The following NIPA1 variants were observed in gnomAD, a reference collection of about 807,000 sequenced individuals.
NIPA1 encodes NIPA magnesium transporter 1, also known as magnesium transporter NIPA1.
Under a neutral mutation model 23.9 loss-of-function variants are expected in NIPA1, and 13 were observed. That is an observed-to-expected ratio of 0.54 (90% CI 0.35 to 0.87). The LOEUF (loss-of-function observed/expected upper bound fraction) is 0.87, where lower values mean the gene tolerates loss of function less well. Ranked by LOEUF, NIPA1 falls within the 40% of genes least tolerant of loss-of-function variation. The pLI is 0.01. For missense variants in NIPA1, 362 were observed against 429.7 expected (o/e 0.84, Z 1.39); for synonymous variants, 234 against 202.9 (o/e 1.15, Z -1.30).
At chr15:22,792,420 A>G (rs772414160) in intron 1 of NIPA1, among the ~76,000 whole-genome samples, 19 of 151,608 alleles carry the variant, frequency 1.3e-4, no homozygotes, top group Admixed American at 4.6e-4. Flanking sequence ...GTGCAGTGGC[A>G]TGATCTCCAC....
At chr15:22,821,118 C>G (rs904715976) in intron 4 of NIPA1, among the ~76,000 whole-genome samples, 18 of 152,168 alleles carry the variant, frequency 1.2e-4, no homozygotes, top group African/African-American at 4.3e-4. Context: ...CGCCTGCCAC[C>G]ATGCCCGGCT....
Position 22,786,722 on chromosome 15 carries a change from C to G in NIPA1, c.66C>G (p.Ser22Arg). 1.6e-6 allele frequency: 2 copies of G among 1,225,572 alleles called. No individual in the cohort carries two copies. The highest frequency in any genetic ancestry group is 2.1e-6 in the Non-Finnish European group (2 of 964,738). The allele number at this position is 1,225,572 out of a possible 1,614,324, so 75.9% of individuals were successfully genotyped here. A position where few individuals can be genotyped will look rare whatever the true frequency, so the allele number is the denominator to read the frequency against. Residue 22 changes from serine (S) to arginine (R), a missense_variant, in exon 1 of 5, where the codon AGC becomes AGG. Physicochemically the swap from Ser to Arg is moderately radical, Grantham distance 110 (BLOSUM62 -1). Around this residue, in one of 2 missense-constraint regions of NIPA1, gnomAD observed 85 missense variants for 57.7 expected, o/e 1.47. Transcript: ENST00000337435. ...AAAAAGEGAR[S>R]PSPAAVSLGL... is the part of the protein sequence containing the mutation. ...CGGCGGCCGGGGAGGGGGCGCGTAG[C>G]CCGAGCCCCGCCGCCGTGTCGCTCG... is the stretch of plus-strand genomic sequence containing the variant.
chr15:22,820,587 C>T, intron 4 of NIPA1, 114 bp downstream of exon 4: 1 of 822,700 alleles, frequency 1.2e-6, no homozygotes, highest in Admixed American at 1.7e-5. Context: ...GTGTGTCCAC[C>T]CTGATCTGTT....
At chr15:22,817,052 T>G in intron 3 of NIPA1, among the ~76,000 whole-genome samples, 1 of 150,486 alleles carries the variant, frequency 6.6e-6, no homozygotes, top group Non-Finnish European at 1.5e-5. Context: ...CCAGGTGTGG[T>G]GGCACATGCC....
rs1384132450 is a variant in NIPA1 at position 22,826,466 on chromosome 15, T to G, written c.*2227T>G. On this transcript the variant is annotated 3_prime_UTR_variant, in exon 5 of 5. Transcript: ENST00000337435. ...TATACTTTTGGGCATAAAAATAGTT[T>G]CCTAGGTAAGGGGTGTGAGATATTC... The G allele has an allele frequency of 6.6e-6, 1 of 152,180 alleles. No individual in the cohort carries two copies. Among genetic ancestry groups the G allele is most frequent in the Non-Finnish European group, 1.5e-5 (1 of 68,028 alleles). 9.4% of individuals were successfully genotyped at this position (152,180 alleles called of 1,614,324 possible).
At chr15:22,820,080 C>T (rs1260342719) in intron 3 of NIPA1, among the ~76,000 whole-genome samples, 2 of 151,954 alleles carry the variant, frequency 1.3e-5, no homozygotes, top group African/African-American at 4.8e-5. Context: ...ACCTGTAGTC[C>T]CAGCTACTCC....
intron 1 of NIPA1, among the ~76,000 whole-genome samples, chr15:22,793,486 G>A (rs139480025): frequency 0.04 from 6,071 of 151,218 alleles, 411 homozygotes; most frequent in African/African-American, 0.14. Context: ...CATCTCCCAG[G>A]CTGGAGTGCA....
At position 22,809,101 on chromosome 15, in the gene NIPA1, CT is replaced by C. The variant is rs373073102; in HGVS notation, c.179-1647del. Among the ~76,000 whole-genome samples the C allele has an allele frequency of 1.8e-4, 27 of 152,252 alleles. No individual in the cohort carries two copies. The South Asian group carries it at 5.4e-3, about 30-fold the overall frequency. ...GAATAAAAACAATTAGAATTAGTTA[CT>C]GTGGCTGGGCACGGTGATTCACTCC... is the stretch of plus-strand genomic sequence containing the variant. On this transcript the variant is annotated intron_variant, in intron 1 of 4. Coordinates refer to ENST00000337435, the MANE Select transcript of NIPA1 (RefSeq NM_144599.5).
chr15:22,804,615 G>T, intron 1 of NIPA1, among the ~76,000 whole-genome samples: 1 of 152,246 alleles, frequency 6.6e-6, no homozygotes, highest in Middle Eastern at 3.4e-3. Context: ...AAGCCACGTT[G>T]AGTTACAGGA....
Position 22,820,461 on chromosome 15 carries a change from C to G in NIPA1, c.466C>G (p.Leu156Val), listed in dbSNP as rs1895514106. The change falls in exon 4 of 5, where the codon CTG becomes GTG. Residue 156 changes from leucine (L) to valine (V), a missense_variant. By Grantham distance (32) the Leu-to-Val change is conservative (BLOSUM62 1). This residue lies in a region of NIPA1 where 277 missense variants were observed against 372.0 expected (regional missense o/e 0.74). Transcript: ENST00000337435. ...VTTQAELEEK[L>V]TNPVFVGYLC... ...AACTCAGGCTGAGCTGGAGGAAAAGCTGACCAATCCAGGTAATTCCTTTCT... is the reference window on the plus strand; with the variant it reads ...AACTCAGGCTGAGCTGGAGGAAAAGGTGACCAATCCAGGTAATTCCTTTCT... The G allele has an allele frequency of 6.2e-7, 1 of 1,613,542 alleles. No homozygotes were observed. The highest frequency in any genetic ancestry group is 8.5e-7 in the Non-Finnish European group (1 of 1,179,456).
At chr15:22,814,492 C>T (rs1895377967) in intron 3 of NIPA1, among the ~76,000 whole-genome samples, 2 of 151,976 alleles carry the variant, frequency 1.3e-5, no homozygotes, top group South Asian at 2.1e-4. Context: ...TGAGCCACCA[C>T]GCCTGGCCAA....
At chr15:22,812,438 G>T (rs1388610785) in intron 3 of NIPA1, among the ~76,000 whole-genome samples, 185 bp downstream of exon 3, 1 of 152,102 alleles carries the variant, frequency 6.6e-6, no homozygotes, top group African/African-American at 2.4e-5. Flanking sequence ...AATTATTTGA[G>T]GTCACGAGTT....
At chr15:22,807,782 T>TGTGTGTGTGTGTGTGTGTGTG (rs1555372971) in intron 1 of NIPA1, among the ~76,000 whole-genome samples, 12 of 145,826 alleles carry the variant, frequency 8.2e-5, no homozygotes, top group African/African-American at 2.4e-4. Flanking sequence ...TTAAATTCAC[T>TGTGTGTGTGTGTGTGTGTGTG]TGTGTGTGTG....
chr15:22,798,343 C>T (rs951189835), intron 1 of NIPA1, among the ~76,000 whole-genome samples: 42 of 149,694 alleles, frequency 2.8e-4, no homozygotes, highest in African/African-American at 9.3e-4. Flanking sequence ...GGGTTCACAC[C>T]ATTCTCCTGC....
At chr15:22,791,786 C>A (rs1415541118) in intron 1 of NIPA1, among the ~76,000 whole-genome samples, 1 of 152,154 alleles carries the variant, frequency 6.6e-6, no homozygotes, top group Non-Finnish European at 1.5e-5. Flanking sequence ...TTTAAAGGAA[C>A]TTCCCAGAGA....
chr15:22,812,576 C>T (rs777937090), intron 3 of NIPA1, among the ~76,000 whole-genome samples: 22 of 151,804 alleles, frequency 1.4e-4, no homozygotes, highest in Non-Finnish European at 3.1e-4. Flanking sequence ...TTGCTTGAAC[C>T]TGGGGGGCAG....
At chr15:22,803,505 T>A (rs1895132608) in intron 1 of NIPA1, among the ~76,000 whole-genome samples, 1 of 43,918 alleles carries the variant, frequency 2.3e-5, no homozygotes, top group African/African-American at 7.6e-5. Flanking sequence ...AAAAGTGCCT[T>A]TTTTTTTTTT....
At chr15:22,792,484 A>G (rs1476798160) in intron 1 of NIPA1, among the ~76,000 whole-genome samples, 3 of 151,692 alleles carry the variant, frequency 2.0e-5, no homozygotes, top group African/African-American at 4.8e-5. Context: ...TCAGCCTCCC[A>G]AATAGCTGGG....
upstream of NIPA1, chr15:22,786,638 G>A (rs886051009): frequency 4.0e-5 from 39 of 984,750 alleles, no homozygotes; most frequent in Non-Finnish European, 1.8e-5. Context: ...CGCAGGCTCG[G>A]AGGGCGGGCG....
Sources: allele counts gnomAD v4.1 joint callset (sites outside exome capture counted in the v4.1 genomes callset), GRCh38; gene constraint gnomAD v4.1.1; regional missense constraint gnomAD v4.1.1; transcripts MANE v1.5; gene names NCBI Gene and HGNC (gene_info 2026-07-23, HGNC 2026-07-21).